Variants in TBC1D32 observed in about 807,000 individuals in gnomAD.
The protein encoded by TBC1D32 is protein broad-minded.
Under a neutral mutation model 170.3 loss-of-function variants are expected in TBC1D32, and 151 were observed. The ratio of observed to expected loss-of-function variants is 0.89; its 90% CI spans 0.78 to 1.01. The LOEUF is 1.01. TBC1D32 is among the 50% of genes least tolerant of loss of function. The pLI, the probability that TBC1D32 is intolerant of heterozygous loss-of-function variation, is 0.00. For synonymous variants in TBC1D32, 498 were observed against 488.0 expected, an observed-to-expected ratio of 1.02 and a Z score of -0.27; for missense variants, 1,464 against 1,457.1, an observed-to-expected ratio of 1.00 and a Z score of -0.08.
At chr6:121,291,019 T>C (rs1363129675) in intron 12 of TBC1D32, among the ~76,000 whole-genome samples, 2 of 151,946 alleles carry the variant, frequency 1.3e-5, no homozygotes, top group East Asian at 3.9e-4. Flanking sequence ...GGAGGGTGGA[T>C]GGATAGCATT....
chr6:121,279,245 C>G lies in TBC1D32; in HGVS notation c.1609G>C (p.Ala537Pro), dbSNP rs202238791. ...PIHNLMKGNEASPNCSETALI... is the reference protein window; with the variant it reads ...PIHNLMKGNEPSPNCSETALI... The stretch of plus-strand genomic sequence containing the variant: ...GCTGTCTCAGAGCAATTTGGAGATG[C>G]CTGTACATTAAAAAGAAAACAAGAC... The change falls in exon 15 of 32, where the codon GCA (alanine) becomes CCA (proline). Residue 537 changes from alanine to proline, a missense_variant and splice_region_variant. By Grantham distance (27) the Ala-to-Pro change is conservative. Coordinates refer to ENST00000398212, the MANE Select transcript of TBC1D32 (RefSeq NM_152730.6). The G allele has an allele frequency of 2.8e-5, 44 of 1,599,640 alleles. No homozygotes were observed. In the African/African-American group the frequency reaches 3.0e-4, roughly 11 times the overall value.
chr6:121,158,124 G>T (rs1239632065), intron 24 of TBC1D32, among the ~76,000 whole-genome samples: 1 of 152,004 alleles, frequency 6.6e-6, no homozygotes, highest in Admixed American at 6.6e-5. Context: ...TCCCTCTCAA[G>T]AATGCAAATG....
intron 15 of TBC1D32, among the ~76,000 whole-genome samples, chr6:121,269,859 G>A (rs1264881877): frequency 1.3e-5 from 2 of 152,052 alleles, no homozygotes; most frequent in Non-Finnish European, 2.9e-5. Flanking sequence ...CACATAGTTG[G>A]AAGTAAAGCA....
intron 22 of TBC1D32, among the ~76,000 whole-genome samples, chr6:121,178,269 G>A (rs1314275433): frequency 6.6e-6 from 1 of 151,982 alleles, no homozygotes; most frequent in Non-Finnish European, 1.5e-5. Context: ...CATCAGTAGG[G>A]GTCCTGATTA....
At position 121,317,420 on chromosome 6, in the gene TBC1D32, C is replaced by T. The variant is rs140901149; in HGVS notation, c.495+75G>A. On this transcript the variant is annotated intron_variant, in intron 3 of 31. Coordinates refer to ENST00000398212, the MANE Select transcript of TBC1D32 (RefSeq NM_152730.6). ...TCTTAAGAAGGCAGGAAAAATATGG[C>T]TAAGAAATAATTTATTGAAGCTAAT... The T allele has an allele frequency of 1.4e-3, 1,666 of 1,212,394 alleles. 13 individuals are homozygous for T. In the African/African-American group the frequency reaches 0.024, roughly 17 times the overall value. 75.1% of individuals were successfully genotyped at this position (1,212,394 alleles called of 1,614,324 possible).
At chr6:121,097,809 A>T (rs762852682) in intron 30 of TBC1D32, among the ~76,000 whole-genome samples, 8 of 152,128 alleles carry the variant, frequency 5.3e-5, no homozygotes, top group Non-Finnish European at 8.8e-5. Context: ...TCCATCAATG[A>T]TAATAGACTG....
At chr6:121,212,477 G>A (rs1346562506) in intron 21 of TBC1D32, among the ~76,000 whole-genome samples, 1 of 133,972 alleles carries the variant, frequency 7.5e-6, no homozygotes, top group African/African-American at 2.8e-5. Context: ...TTTTTGAGAT[G>A]GAGTTTCCCT....
chr6:121,098,354 C>G (rs1302224546), intron 30 of TBC1D32, among the ~76,000 whole-genome samples: 2 of 151,926 alleles, frequency 1.3e-5, no homozygotes, highest in Non-Finnish European at 2.9e-5. Context: ...CTGGCTTCAT[C>G]TGCTTTCATC....
intron 21 of TBC1D32, among the ~76,000 whole-genome samples, chr6:121,212,508 G>A (rs1429710513): frequency 7.2e-6 from 1 of 138,254 alleles, no homozygotes; most frequent in Non-Finnish European, 1.5e-5. Flanking sequence ...AGGCTGGAGT[G>A]TAGTGGCACA....
intron 22 of TBC1D32, among the ~76,000 whole-genome samples, chr6:121,187,814 G>GA (rs1192205469): frequency 2.0e-5 from 3 of 149,472 alleles, no homozygotes; most frequent in South Asian, 2.1e-4. Context: ...GTGATAAAAG[G>GA]AAAAAAAATA....
At chr6:121,242,103 C>A in intron 18 of TBC1D32, 98 bp downstream of exon 18, 1 of 1,286,876 alleles carries the variant, frequency 7.8e-7, no homozygotes, top group Non-Finnish European at 1.1e-6. Context: ...TTAACAGAGG[C>A]TTAATAACTT....
Position 121,256,220 on chromosome 6 carries a change from A to C in TBC1D32, c.1799T>G (p.Phe600Cys). Residue 600 changes from phenylalanine to cysteine, a missense_variant, in exon 16 of 32, where the codon TTT becomes TGT. Physicochemically the swap from Phe to Cys is radical, Grantham distance 205. Around this residue, in one of 3 missense-constraint regions of TBC1D32, gnomAD observed 1,363 missense variants for 1,338.1 expected, o/e 1.02. Transcript: ENST00000398212. ...CACAGGCAACATTTCTGATCCAGAA[A>C]ATATAGAAATATCTTCATCGAGAAG... is the stretch of plus-strand genomic sequence containing the variant. ...KKLLDEDISI[F>C]SGSEMLPVVK... The C allele has an allele frequency of 6.2e-7, 1 of 1,613,970 alleles. No individual in the cohort carries two copies. The highest frequency in any genetic ancestry group is 8.5e-7 in the Non-Finnish European group (1 of 1,179,926).
chr6:121,213,898 T>C (rs562551500), intron 21 of TBC1D32, among the ~76,000 whole-genome samples: 42 of 152,210 alleles, frequency 2.8e-4, no homozygotes, highest in Admixed American at 9.2e-4. Context: ...GGAAGGACTA[T>C]AGTAATCAAA....
intron 26 of TBC1D32, among the ~76,000 whole-genome samples, chr6:121,119,817 A>T (rs1259962767): frequency 1.3e-5 from 2 of 152,090 alleles, no homozygotes; most frequent in Non-Finnish European, 2.9e-5. Flanking sequence ...ATCCTGAGGG[A>T]GCTAACAACA....
chr6:121,216,652 A>G (rs185728069), intron 21 of TBC1D32, among the ~76,000 whole-genome samples: 359 of 152,308 alleles, frequency 2.4e-3, no homozygotes, highest in Non-Finnish European at 3.9e-3. Context: ...TAGTGACTCT[A>G]TATGTAATAC....
intron 24 of TBC1D32, among the ~76,000 whole-genome samples, chr6:121,142,146 C>T (rs909653444): frequency 6.6e-6 from 1 of 152,210 alleles, no homozygotes; most frequent in Non-Finnish European, 1.5e-5. Context: ...CTTTTTGACC[C>T]CTAGTGCCGG....
intron 9 of TBC1D32, among the ~76,000 whole-genome samples, chr6:121,301,334 A>T (rs932310327): frequency 3.9e-5 from 6 of 152,230 alleles, no homozygotes; most frequent in African/African-American, 1.4e-4. Flanking sequence ...TGGCACATAA[A>T]CACCATGGAA....
intron 11 of TBC1D32, among the ~76,000 whole-genome samples, chr6:121,292,865 A>G (rs1244610969): frequency 6.6e-6 from 1 of 152,170 alleles, no homozygotes; most frequent in Non-Finnish European, 1.5e-5. Context: ...ACTGGGCAGG[A>G]GCAAAGCAGA....
chr6:121,212,425 C>CA (rs377035617), intron 21 of TBC1D32, among the ~76,000 whole-genome samples: 7 of 140,286 alleles, frequency 5.0e-5, no homozygotes, highest in African/African-American at 1.8e-4. Flanking sequence ...AGAGACACAA[C>CA]AAAAAAAACT....
Sources: gnomAD v4.1 joint callset for allele counts (sites outside exome capture counted in the v4.1 genomes callset) on GRCh38, gnomAD v4.1.1 for gene constraint, gnomAD v4.1.1 regional missense constraint, MANE v1.5 for transcripts, NCBI Gene and HGNC (gene_info 2026-07-23, HGNC 2026-07-21) for gene names.